The following CNTN4 variants were observed in gnomAD, a reference collection of about 807,000 sequenced individuals.
CNTN4 encodes contactin 4.
A neutral mutation model predicts 122.5 loss-of-function variants in CNTN4; 77 were observed. The observed-to-expected ratio is 0.63, with a 90% CI of 0.52 to 0.76. The LOEUF (loss-of-function observed/expected upper bound fraction) is 0.76, where lower values mean the gene tolerates loss of function less well. CNTN4 is among the 30% of genes least tolerant of loss of function. CNTN4 has a pLI of 0.00. For missense variants in CNTN4, 1,256 were observed against 1,259.1 expected, an observed-to-expected ratio of 1.00 and a Z score of 0.04; for synonymous variants, 512 against 447.0, an observed-to-expected ratio of 1.15 and a Z score of -1.83.
At chr3:2,297,013 C>T (rs1048787002) in intron 2 of CNTN4, among the ~76,000 whole-genome samples, 1 of 152,156 alleles carries the variant, frequency 6.6e-6, no homozygotes, top group Non-Finnish European at 1.5e-5. Context: ...AGTCTTTCTT[C>T]AGGCCTTTGA....
chr3:2,978,015 C>T (rs565562976), intron 13 of CNTN4, among the ~76,000 whole-genome samples: 44 of 152,280 alleles, frequency 2.9e-4, no homozygotes, highest in Middle Eastern at 6.8e-3. Context: ...GGCCAACAGC[C>T]GCCAGAAGCT....
intron 2 of CNTN4, among the ~76,000 whole-genome samples, chr3:2,170,074 C>A (rs895609782): frequency 6.6e-6 from 1 of 151,966 alleles, no homozygotes; most frequent in Non-Finnish European, 1.5e-5. Flanking sequence ...GTAATCCCAG[C>A]ACTTTGGGAG....
chr3:2,863,705 G>T (rs2093694295), intron 7 of CNTN4, among the ~76,000 whole-genome samples: 1 of 151,934 alleles, frequency 6.6e-6, no homozygotes, highest in Admixed American at 6.6e-5. Flanking sequence ...TTGTGGTGGT[G>T]GTAATTCCAT....
intron 2 of CNTN4, among the ~76,000 whole-genome samples, chr3:2,189,457 G>A (rs6798977): frequency 0.016 from 2,456 of 152,238 alleles, 67 homozygotes; most frequent in African/African-American, 0.057. Context: ...TTGAGTTAAC[G>A]TGGTATATGG....
chr3:2,472,951 C>T (rs910818490), intron 3 of CNTN4, among the ~76,000 whole-genome samples: 2 of 151,910 alleles, frequency 1.3e-5, no homozygotes, highest in Admixed American at 6.6e-5. Flanking sequence ...CTAGCATAGT[C>T]GGCAGGGCGT....
rs965677711 is a variant in CNTN4 at position 2,393,799 on chromosome 3, A to G, written c.-89+54566A>G. 3.9e-5 allele frequency among the ~76,000 whole-genome samples: 6 copies of G among 152,118 alleles called. No homozygotes were observed. In the East Asian group the frequency reaches 1.2e-3, roughly 29 times the overall value. ...TGTAAGTCCACTATGCTCTTCAAAT[A>G]ATATAATGACCAGTATGAACTGAGA... On this transcript the variant is annotated intron_variant, in intron 3 of 24. Transcript: ENST00000418658.
At chr3:2,704,871 C>T (rs1420797515) in intron 4 of CNTN4, among the ~76,000 whole-genome samples, 1 of 152,052 alleles carries the variant, frequency 6.6e-6, no homozygotes, top group Non-Finnish European at 1.5e-5. Flanking sequence ...TCTTACAGAA[C>T]ATTAATATAC....
At chr3:2,734,562 T>C (rs1439897643) in intron 4 of CNTN4, among the ~76,000 whole-genome samples, 1 of 151,948 alleles carries the variant, frequency 6.6e-6, no homozygotes, top group Admixed American at 6.6e-5. Flanking sequence ...TCGTGGGCCG[T>C]CCTCAGTCCC....
chr3:2,915,463 C>T (rs994756949), intron 12 of CNTN4, among the ~76,000 whole-genome samples: 1 of 152,202 alleles, frequency 6.6e-6, no homozygotes, highest in East Asian at 1.9e-4. Flanking sequence ...TTACTTCTTT[C>T]CTTTCCAATT....
At chr3:2,365,223 C>T (rs2045326543) in intron 3 of CNTN4, among the ~76,000 whole-genome samples, 1 of 152,078 alleles carries the variant, frequency 6.6e-6, no homozygotes, top group Admixed American at 6.6e-5. Context: ...CTTGGTTCAG[C>T]CTGACAGTTT....
Position 3,026,164 on chromosome 3 carries a change from T to C in CNTN4, c.1549T>C (p.Leu517=). Residue 517 remains leucine, a synonymous_variant, in exon 15 of 25, where the codon TTA becomes CTA. Transcript: ENST00000418658. ...TGTCACTGTTGGAGAGAGTATTGTTTTACCGTGCCAGGTAACGCATGATCA... is the reference window on the plus strand; with the variant it reads ...TGTCACTGTTGGAGAGAGTATTGTTCTACCGTGCCAGGTAACGCATGATCA... ...MDVTVGESIV[L]PCQVTHDHSL... 6.2e-7 allele frequency: 1 copy of C among 1,613,470 alleles called. No homozygotes were observed. Among genetic ancestry groups the C allele is most frequent in the Non-Finnish European group, 8.5e-7 (1 of 1,179,562 alleles).
intron 2 of CNTN4, among the ~76,000 whole-genome samples, chr3:2,213,237 A>G (rs1241525175): frequency 2.6e-5 from 4 of 152,180 alleles, no homozygotes; most frequent in Non-Finnish European, 5.9e-5. Flanking sequence ...TGTTTTGTCT[A>G]ACTTCACATA....
rs149297015 is a variant in CNTN4 at position 2,780,254 on chromosome 3, A to G, written c.358+34557A>G. On this transcript the variant is annotated intron_variant, in intron 6 of 24. Coordinates refer to ENST00000418658, the MANE Select transcript of CNTN4 (RefSeq NM_175607.3). ...AGTAAGCACCACAGTTTTTATTACT[A>G]ATGCCTTTTCTGGTACGAGACATTT... Among the ~76,000 whole-genome samples, 156 of 152,326 alleles carry G rather than the reference A, an allele frequency of 1.0e-3. 2 individuals are homozygous for G. The highest frequency in any genetic ancestry group is 3.5e-3 in the African/African-American group (147 of 41,584).
intron 3 of CNTN4, among the ~76,000 whole-genome samples, chr3:2,522,149 T>TTGTGTGTG (rs71621496): frequency 3.3e-4 from 21 of 63,460 alleles, no homozygotes; most frequent in Admixed American, 5.4e-4. Flanking sequence ...CCTAAGCAGT[T>TTGTGTGTG]TGTGTGTGTG....
intron 6 of CNTN4, among the ~76,000 whole-genome samples, chr3:2,780,703 G>A (rs1241278259): frequency 6.6e-6 from 1 of 152,118 alleles, no homozygotes; most frequent in African/African-American, 2.4e-5. Context: ...TGTAGTCCTT[G>A]CTATTCCCCA....
intron 12 of CNTN4, among the ~76,000 whole-genome samples, chr3:2,905,642 A>G (rs1030191187): frequency 1.3e-5 from 2 of 152,254 alleles, no homozygotes; most frequent in African/African-American, 4.8e-5. Flanking sequence ...AGTCAAGATA[A>G]AATGAAAATG....
chr3:2,412,317 T>C (rs1476814382), intron 3 of CNTN4, among the ~76,000 whole-genome samples: 1 of 152,054 alleles, frequency 6.6e-6, no homozygotes, highest in Non-Finnish European at 1.5e-5. Flanking sequence ...AGTGGCGCTA[T>C]CTCGGCTCAC....
chr3:2,593,758 T>C (rs2080617813), intron 4 of CNTN4, among the ~76,000 whole-genome samples: 3 of 152,162 alleles, frequency 2.0e-5, no homozygotes, highest in Admixed American at 1.3e-4. Flanking sequence ...CAGTTTTGCC[T>C]TATAGCTAAA....
intron 23 of CNTN4, among the ~76,000 whole-genome samples, chr3:3,047,039 C>T (rs1313374628): frequency 1.3e-5 from 2 of 149,656 alleles, no homozygotes; most frequent in African/African-American, 2.5e-5. Context: ...AAGGCCATTA[C>T]ATAATGGTAA....
Sources: allele counts gnomAD v4.1 joint callset (sites outside exome capture counted in the v4.1 genomes callset), GRCh38; gene constraint gnomAD v4.1.1; transcripts MANE v1.5; gene names NCBI Gene and HGNC (gene_info 2026-07-23, HGNC 2026-07-21).